Variants in ADAMTS16 observed in about 807,000 individuals in gnomAD.
ADAMTS16 encodes the protein A disintegrin and metalloproteinase with thrombospondin motifs 16.
Under a neutral mutation model 145.8 loss-of-function variants are expected in ADAMTS16, and 94 were observed. The observed-to-expected ratio is 0.64, with a 90% CI of 0.55 to 0.77. ADAMTS16 has a LOEUF of 0.77. Among genes scored for constraint, ADAMTS16 ranks in the 30% least tolerant of loss-of-function variants. The probability of loss-of-function intolerance (pLI) is 0.00; values close to 1 mark genes in which losing one functional copy is unlikely to be tolerated. For missense variants in ADAMTS16, 1,585 were observed against 1,591.5 expected (o/e 1.00, Z 0.07); for synonymous variants, 659 against 604.3 (o/e 1.09, Z -1.33).
intron 17 of ADAMTS16, among the ~76,000 whole-genome samples, chr5:5,243,750 G>C (rs1439561095): frequency 5.3e-5 from 8 of 152,176 alleles, no homozygotes; most frequent in Non-Finnish European, 1.2e-4. Context: ...CGATGATTCT[G>C]TTTCAATATA....
At chr5:5,236,946 T>C in intron 13 of ADAMTS16, 23 bp from the exon 14 acceptor site, 4 of 1,596,602 alleles carry the variant, frequency 2.5e-6, no homozygotes, top group Non-Finnish European at 1.7e-6. Context: ...TTATTTGTGT[T>C]TGTGTGTGTA....
At chr5:5,314,899 A>G (rs1201033035) in intron 21 of ADAMTS16, among the ~76,000 whole-genome samples, 1 of 152,186 alleles carries the variant, frequency 6.6e-6, no homozygotes, top group Non-Finnish European at 1.5e-5. Flanking sequence ...CAACTGTCCT[A>G]AGGCTCAGGG....
Position 5,269,546 on chromosome 5 carries a change from G to A in ADAMTS16, c.2789+6763G>A, listed in dbSNP as rs1277353045. Among the ~76,000 whole-genome samples the A allele has an allele frequency of 1.3e-5, 2 of 152,070 alleles. No individual in the cohort carries two copies. Among genetic ancestry groups the A allele is most frequent in the East Asian group, 3.9e-4 (2 of 5,166 alleles). ...CTCAGACTAAAGAGAAGGAAGCAAT[G>A]ACCAGCCCTTCCTCTTGCCAGAATC... On this transcript the variant is annotated intron_variant, in intron 18 of 22. Coordinates refer to ENST00000274181, the MANE Select transcript of ADAMTS16 (RefSeq NM_139056.4). This position sits in a 1 kb window ranked among gnomAD's most constrained non-coding sequence, Gnocchi z 4.3.
At chr5:5,205,335 A>G (rs1736070963) in intron 9 of ADAMTS16, among the ~76,000 whole-genome samples, 5 of 151,804 alleles carry the variant, frequency 3.3e-5, no homozygotes, top group Admixed American at 2.6e-4. Flanking sequence ...AAAAAGCTCT[A>G]CTTGTCCCAA....
chr5:5,318,449 CT>C (rs1426468613), intron 22 of ADAMTS16, among the ~76,000 whole-genome samples, 168 bp downstream of exon 22: 4 of 152,206 alleles, frequency 2.6e-5, no homozygotes, highest in African/African-American at 9.6e-5. Flanking sequence ...GCAGACCGGG[CT>C]GCCTCTCATG....
At chr5:5,235,523 T>C (rs1354544612) in intron 13 of ADAMTS16, among the ~76,000 whole-genome samples, 2 of 152,206 alleles carry the variant, frequency 1.3e-5, no homozygotes, top group African/African-American at 4.8e-5. Context: ...TTACAGTAGT[T>C]GTTGCTATAA....
intron 18 of ADAMTS16, among the ~76,000 whole-genome samples, chr5:5,298,237 A>G (rs7701192): frequency 0.46 from 70,553 of 152,134 alleles, 17,342 homozygotes; most frequent in Non-Finnish European, 0.55. Flanking sequence ...TGACTGGTGG[A>G]CTTTAGGAGG....
intron 3 of ADAMTS16, among the ~76,000 whole-genome samples, chr5:5,156,470 A>T (rs114311902): frequency 0.016 from 2,467 of 152,336 alleles, 72 homozygotes; most frequent in African/African-American, 0.056. Context: ...AAACTGAAGT[A>T]GGAATATTCC....
intron 3 of ADAMTS16, among the ~76,000 whole-genome samples, chr5:5,152,380 G>A (rs530655052): frequency 1.3e-5 from 2 of 152,338 alleles, no homozygotes; most frequent in South Asian, 4.1e-4. Context: ...ATGGAGTGGA[G>A]GTATTCAGGG....
Position 5,306,552 on chromosome 5 carries a change from G to GCTGAAAAGTATGTTT in ADAMTS16, c.3239_3253dup (p.Glu1080_Ser1084dup). On this transcript the variant is annotated inframe_insertion, in exon 21 of 23. Transcript: ENST00000274181. ...AACACAGAAAAGATTCTTAAAATGT[G>GCTGAAAAGTATGTTT]CTGAAAAGTATGTTTCTGGAAAGTA... is the stretch of plus-strand genomic sequence containing the variant. 1 of 1,614,192 alleles carries GCTGAAAAGTATGTTT rather than the reference G, an allele frequency of 6.2e-7. No homozygotes were observed. The highest frequency in any genetic ancestry group is 8.5e-7 in the Non-Finnish European group (1 of 1,180,034).
chr5:5,282,812 C>T (rs957142140), intron 18 of ADAMTS16, among the ~76,000 whole-genome samples: 1 of 151,914 alleles, frequency 6.6e-6, no homozygotes, highest in Non-Finnish European at 1.5e-5. Flanking sequence ...AGCTACCTAT[C>T]AGAAACCATT....
chr5:5,265,605 C>T (rs1244007633), intron 18 of ADAMTS16, among the ~76,000 whole-genome samples: 1 of 152,206 alleles, frequency 6.6e-6, no homozygotes, highest in Non-Finnish European at 1.5e-5. Flanking sequence ...TAGCCTTGAG[C>T]TGTTAGAAAC....
intron 18 of ADAMTS16, among the ~76,000 whole-genome samples, chr5:5,287,571 C>T (rs1441564626): frequency 6.6e-6 from 1 of 152,112 alleles, no homozygotes; most frequent in Non-Finnish European, 1.5e-5. Flanking sequence ...ACTAAGAAAG[C>T]GACGTAGAGA....
intron 14 of ADAMTS16, among the ~76,000 whole-genome samples, chr5:5,237,597 C>A (rs957657549): frequency 1.3e-5 from 2 of 152,086 alleles, no homozygotes; most frequent in South Asian, 2.1e-4. Context: ...TATCCTGTGT[C>A]CATGTAGATA....
chr5:5,242,570 T>C (rs17713759), intron 17 of ADAMTS16, among the ~76,000 whole-genome samples: 22,869 of 152,144 alleles, frequency 0.15, 1,865 homozygotes, highest in Middle Eastern at 0.19. Flanking sequence ...TGACCTAGAG[T>C]GGGTTTTTTA....
chr5:5,259,130 T>C (rs1737905214), intron 17 of ADAMTS16, among the ~76,000 whole-genome samples: 1 of 152,130 alleles, frequency 6.6e-6, no homozygotes, highest in Non-Finnish European at 1.5e-5. Flanking sequence ...CAGCGATAAT[T>C]TTCTGGGACA....
At chr5:5,235,628 T>A (rs1270969468) in intron 13 of ADAMTS16, among the ~76,000 whole-genome samples, 1 of 152,238 alleles carries the variant, frequency 6.6e-6, no homozygotes, top group African/African-American at 2.4e-5. Flanking sequence ...CATAGTATGT[T>A]CAGAAAGTCT....
At chr5:5,245,442 C>A (rs377716385) in intron 17 of ADAMTS16, among the ~76,000 whole-genome samples, 1 of 152,150 alleles carries the variant, frequency 6.6e-6, no homozygotes, top group Non-Finnish European at 1.5e-5. Context: ...AAATTCTTGA[C>A]CTGATTCCCA....
intron 9 of ADAMTS16, among the ~76,000 whole-genome samples, chr5:5,201,727 A>G (rs1040818729): frequency 1.3e-5 from 2 of 152,100 alleles, no homozygotes; most frequent in African/African-American, 4.8e-5. Context: ...AGGCTAGGAA[A>G]CGAGATTATC....
Sources: allele counts gnomAD v4.1 joint callset (sites outside exome capture counted in the v4.1 genomes callset), GRCh38; gene constraint gnomAD v4.1.1; non-coding constraint Gnocchi (gnomAD v3.1); transcripts MANE v1.5; gene names NCBI Gene and HGNC (gene_info 2026-07-23, HGNC 2026-07-21).